DEK: variants seen among roughly 807,000 people sequenced by gnomAD.
DEK encodes DEK proto-oncogene, also known as protein DEK.
A neutral mutation model predicts 46.8 loss-of-function variants in DEK; 28 were observed. The ratio of observed to expected loss-of-function variants is 0.60; its 90% CI spans 0.44 to 0.82. The LOEUF (loss-of-function observed/expected upper bound fraction) is 0.82. DEK is among the 40% of genes least tolerant of loss of function. The pLI, the probability that DEK is intolerant of heterozygous loss-of-function variation, is 0.00. For synonymous variants in DEK, 160 were observed against 144.5 expected, an observed-to-expected ratio of 1.11 and a Z score of -0.77; for missense variants, 416 against 430.6, an observed-to-expected ratio of 0.97 and a Z score of 0.30.
At chr6:18,233,426 G>A (rs1252761840) in intron 9 of DEK, among the ~76,000 whole-genome samples, 1 of 152,142 alleles carries the variant, frequency 6.6e-6, no homozygotes, top group Non-Finnish European at 1.5e-5. Flanking sequence ...CCTACAGAAT[G>A]GGAGAAAATT....
intron 9 of DEK, among the ~76,000 whole-genome samples, chr6:18,229,784 A>G (rs928440575): frequency 2.6e-5 from 4 of 152,226 alleles, no homozygotes; most frequent in African/African-American, 9.6e-5. Flanking sequence ...GGAGAATGGA[A>G]CCAAGTTGGA....
intron 5 of DEK, 124 bp from the exon 6 acceptor site, chr6:18,255,975 C>A (rs899991215): frequency 8.9e-7 from 1 of 1,117,684 alleles, no homozygotes; most frequent in Non-Finnish European, 1.2e-6. Context: ...GTGGCCAATG[C>A]TTCTATGAAT....
chr6:18,243,609 A>G (rs926754015), intron 7 of DEK, among the ~76,000 whole-genome samples: 35 of 152,176 alleles, frequency 2.3e-4, no homozygotes, highest in African/African-American at 7.7e-4. Flanking sequence ...CCCAAGGTCA[A>G]CTTGAATTGG....
At chr6:18,252,509 CAAA>C (rs61626818) in intron 6 of DEK, among the ~76,000 whole-genome samples, 2 of 29,142 alleles carry the variant, frequency 6.9e-5, no homozygotes, top group African/African-American at 2.3e-4. Context: ...ACGCTGTCTC[CAAA>C]AAAAAAAAAA....
chr6:18,260,717 A>C (rs1249708994), intron 2 of DEK, among the ~76,000 whole-genome samples: 1 of 152,086 alleles, frequency 6.6e-6, no homozygotes, highest in South Asian at 2.1e-4. Context: ...ACTGCTACTC[A>C]GGGCCAGGCG....
chr6:18,228,831 C>G (rs371718204), intron 9 of DEK, among the ~76,000 whole-genome samples: 13 of 152,328 alleles, frequency 8.5e-5, no homozygotes, highest in African/African-American at 3.1e-4. Flanking sequence ...GGGGGAGGGG[C>G]GCCCGCCATT....
intron 9 of DEK, among the ~76,000 whole-genome samples, chr6:18,230,103 C>T (rs894102381): frequency 7.9e-5 from 12 of 152,126 alleles, no homozygotes; most frequent in African/African-American, 1.2e-4. Flanking sequence ...AATTTTCAAC[C>T]CAGAATTTCA....
intron 9 of DEK, among the ~76,000 whole-genome samples, chr6:18,227,577 C>T (rs898485813): frequency 7.9e-5 from 12 of 152,066 alleles, no homozygotes; most frequent in East Asian, 5.8e-4. Context: ...GTATACTGAA[C>T]GCTGGTCCCC....
intron 7 of DEK, among the ~76,000 whole-genome samples, chr6:18,244,054 T>C (rs1791005291): frequency 6.6e-6 from 1 of 152,226 alleles, no homozygotes; most frequent in Admixed American, 6.5e-5. Flanking sequence ...ATAAAAATTA[T>C]ATGGCATTGA....
At chr6:18,255,890 G>T in intron 5 of DEK, 39 bp from the exon 6 acceptor site, 1 of 1,577,220 alleles carries the variant, frequency 6.3e-7, no homozygotes. Context: ...TGTTAATATA[G>T]GAAAGCTTAC....
intron 6 of DEK, among the ~76,000 whole-genome samples, chr6:18,252,736 T>C (rs1791442680): frequency 6.6e-6 from 1 of 152,172 alleles, no homozygotes; most frequent in African/African-American, 2.4e-5. Context: ...AGCAACACTA[T>C]TTATCTGCTC....
At chr6:18,228,385 G>T (rs987989798) in intron 9 of DEK, among the ~76,000 whole-genome samples, 7 of 151,974 alleles carry the variant, frequency 4.6e-5, no homozygotes, top group African/African-American at 1.7e-4. Flanking sequence ...CTAATTGTTT[G>T]CCCCGGGAGG....
intron 9 of DEK, among the ~76,000 whole-genome samples, chr6:18,235,449 G>A (rs977942688): frequency 1.3e-5 from 2 of 152,144 alleles, no homozygotes; most frequent in African/African-American, 4.8e-5. Context: ...ATTCAGTTAA[G>A]AGCTCTTCCA....
intron 7 of DEK, among the ~76,000 whole-genome samples, chr6:18,244,994 T>G (rs74472887): frequency 0.073 from 11,091 of 152,256 alleles, 603 homozygotes; most frequent in Admixed American, 0.15. Flanking sequence ...GCAAACATTG[T>G]AAGATGGCTC....
rs370564751 is a variant in DEK, at chr6:18,225,846, C to T, written c.1117-116G>A. On this transcript the variant is annotated intron_variant, in intron 10 of 10. Coordinates refer to ENST00000652689, the MANE Select transcript of DEK (RefSeq NM_003472.4). ...ATCAGTTGAGATCAATACAGAATTA[C>T]AGCTACCTGCTGATCTTCCCCTCAC... 153 of 1,216,182 alleles carry T rather than the reference C, an allele frequency of 1.3e-4. No individual in the cohort carries two copies. In the African/African-American group the frequency reaches 2.1e-3, roughly 17 times the overall value. 75.3% of individuals were successfully genotyped at this position (1,216,182 alleles called of 1,614,324 possible).
In DEK at chr6:18,254,350, C is replaced by G. The variant is rs200936603; in HGVS notation, c.573+1381G>C. ...TGTCTCAAAACAACAGTAACAACAACAGTAACAACAACAACAACACAAAAA... is the reference window on the plus strand; with the variant it reads ...TGTCTCAAAACAACAGTAACAACAAGAGTAACAACAACAACAACACAAAAA... On this transcript the variant is annotated intron_variant, in intron 6 of 10. Coordinates refer to ENST00000652689, the MANE Select transcript of DEK (RefSeq NM_003472.4). Among the ~76,000 whole-genome samples the G allele has an allele frequency of 2.6e-5, 4 of 152,136 alleles. No homozygotes were observed. The East Asian group carries it at 5.8e-4, about 22-fold the overall frequency.
At chr6:18,263,693 A>G (rs898057966) in intron 2 of DEK, 150 bp downstream of exon 2, 4 of 1,537,388 alleles carry the variant, frequency 2.6e-6, no homozygotes, top group African/African-American at 2.8e-5. Context: ...TCAAAACAAA[A>G]GCAGATAAAT....
intron 7 of DEK, among the ~76,000 whole-genome samples, chr6:18,242,010 TCTTAAAGCTATTG>T (rs1455813890): frequency 2.0e-5 from 3 of 152,252 alleles, no homozygotes; most frequent in African/African-American, 7.2e-5. Context: ...TCATTAACTT[TCTTAAAGCTATTG>T]CTTAAAATCA....
chr6:18,264,036 C>T (rs1791997305), intron 1 of DEK, 40 bp from the exon 2 acceptor site: 2 of 1,548,330 alleles, frequency 1.3e-6, no homozygotes, highest in Non-Finnish European at 1.7e-6. Flanking sequence ...GGTCCTCCTA[C>T]TCCCGCAGGC....
Sources: allele counts gnomAD v4.1 joint callset (sites outside exome capture counted in the v4.1 genomes callset), GRCh38; gene constraint gnomAD v4.1.1; transcripts MANE v1.5; gene names NCBI Gene and HGNC (gene_info 2026-07-23, HGNC 2026-07-21).